Variants in MGAT1 observed in about 807,000 individuals in gnomAD.
MGAT1 encodes the protein N-glycosyl-oligosaccharide-glycoprotein N-acetylglucosaminyltransferase I.
In MGAT1, 14 loss-of-function variants were observed where a neutral mutation model predicts 31.7. That is an observed-to-expected ratio of 0.44 (90% CI 0.29 to 0.69). The LOEUF (loss-of-function observed/expected upper bound fraction) is 0.69. Ranked by LOEUF, MGAT1 falls within the 30% of genes least tolerant of loss-of-function variation. The pLI, the probability that MGAT1 is intolerant of heterozygous loss-of-function variation, is 0.12. For missense variants in MGAT1, 557 were observed against 626.0 expected (o/e 0.89, Z 1.18); for synonymous variants, 338 against 276.0 (o/e 1.22, Z -2.23).
intron 1 of MGAT1, among the ~76,000 whole-genome samples, chr5:180,799,244 A>C (rs1026364408): frequency 1.3e-5 from 2 of 151,818 alleles, no homozygotes; most frequent in Non-Finnish European, 2.9e-5. Context: ...TTTCAACCTT[A>C]CCTCCAACCA....
chr5:180,813,324 GTTTTTA>G (rs772306913), intron 1 of MGAT1, among the ~76,000 whole-genome samples: 13 of 152,100 alleles, frequency 8.5e-5, no homozygotes, highest in Non-Finnish European at 1.5e-4. Context: ...TGTTGAACCT[GTTTTTA>G]TGCATCACTT....
chr5:180,806,146 C>T (rs1415705500), upstream of MGAT1, among the ~76,000 whole-genome samples: 3 of 151,644 alleles, frequency 2.0e-5, no homozygotes, highest in South Asian at 2.1e-4. Context: ...ATTAGCCGGG[C>T]GTGGTGGCGT....
chr5:180,812,077 GT>G (rs1772614091), intron 1 of MGAT1, among the ~76,000 whole-genome samples: 1 of 152,158 alleles, frequency 6.6e-6, no homozygotes, highest in African/African-American at 2.4e-5. Context: ...TACTCGCCGG[GT>G]TTACCATGTA....
At chr5:180,800,972 C>T (rs1357766649) in intron 1 of MGAT1, among the ~76,000 whole-genome samples, 2 of 152,234 alleles carry the variant, frequency 1.3e-5, no homozygotes, top group Non-Finnish European at 2.9e-5. Flanking sequence ...GGTGACACAG[C>T]CAATCCACAC....
chr5:180,803,655 C>G (rs955732777), upstream of MGAT1: 1 of 152,336 alleles, frequency 6.6e-6, no homozygotes, highest in Non-Finnish European at 1.5e-5. Flanking sequence ...ACGCAGAAGA[C>G]CAGGGGCTCC....
chr5:180,812,633 ATTGTAACT>A (rs1253236297), intron 1 of MGAT1, among the ~76,000 whole-genome samples: 1 of 152,206 alleles, frequency 6.6e-6, no homozygotes, highest in Non-Finnish European at 1.5e-5. Context: ...ATATTCCTGA[ATTGTAACT>A]TTATTTTCTA....
intron 1 of MGAT1, among the ~76,000 whole-genome samples, chr5:180,797,047 A>C (rs1403458443): frequency 2.0e-5 from 3 of 152,158 alleles, no homozygotes; most frequent in Non-Finnish European, 4.4e-5. Flanking sequence ...GACTTTATAT[A>C]ACAGGATGGG....
In MGAT1 at chr5:180,791,828, C is replaced by G. The variant is rs1436485381; in HGVS notation, c.1144G>C (p.Gly382Arg). 1 of 1,614,130 alleles carries G rather than the reference C, an allele frequency of 6.2e-7. No individual in the cohort carries two copies. The highest frequency in any genetic ancestry group is 1.3e-5 in the African/African-American group (1 of 74,948). ...KVRTNDRKEL[G>R]EVRVQYTGRD... is the part of the protein sequence containing the mutation. Reference sequence around the variant, plus strand: ...CCCGTATACTGCACCCGCACCTCCCCCAGCTCCTTCCGGTCATTGGTCCTC... The same window carrying G: ...CCCGTATACTGCACCCGCACCTCCCGCAGCTCCTTCCGGTCATTGGTCCTC... Residue 382 changes from glycine to arginine, a missense_variant, in exon 2 of 2, where the codon GGG becomes CGG. Coordinates refer to ENST00000307826, the MANE Select transcript of MGAT1 (RefSeq NM_002406.4).
Position 180,786,596 on chromosome 5 carries a change from G to C in MGAT1, c.*5038C>G, listed in dbSNP as rs896284497. ...GACCCAGCGCTCTGTGAGCTTCCAA[G>C]AGAGGAGGAGGCAGCTGCCATCCAC... On this transcript the variant is annotated 3_prime_UTR_variant, in exon 2 of 2. Transcript: ENST00000307826. 3.3e-5 allele frequency: 5 copies of C among 152,320 alleles called. No homozygotes were observed. The highest frequency in any genetic ancestry group is 1.2e-4 in the African/African-American group (5 of 41,456). 9.4% of individuals were successfully genotyped at this position (152,320 alleles called of 1,614,324 possible). A position where few individuals can be genotyped will look rare whatever the true frequency, so the allele number is the denominator to read the frequency against.
chr5:180,799,991 G>A (rs1431761502), intron 1 of MGAT1, among the ~76,000 whole-genome samples: 1 of 152,172 alleles, frequency 6.6e-6, no homozygotes, highest in Non-Finnish European at 1.5e-5. Context: ...CTAGACACAG[G>A]AGACAGCCCT....
chr5:180,802,882 G>A (rs1771189982), upstream of MGAT1: 1 of 150,242 alleles, frequency 6.7e-6, no homozygotes, highest in Non-Finnish European at 1.5e-5. Flanking sequence ...GGCGGACTGA[G>A]GGGCGTGACC....
intron 1 of MGAT1, among the ~76,000 whole-genome samples, chr5:180,799,491 C>T (rs1770242914): frequency 6.6e-6 from 1 of 152,194 alleles, no homozygotes; most frequent in Non-Finnish European, 1.5e-5. Context: ...TCTCTCCACG[C>T]TGTAACAGAA....
chr5:180,813,405 G>C (rs971914070), intron 1 of MGAT1, among the ~76,000 whole-genome samples: 3 of 152,306 alleles, frequency 2.0e-5, no homozygotes, highest in South Asian at 2.1e-4. Context: ...TCATTTGCAA[G>C]AACTCTTTAT....
In MGAT1 at chr5:180,788,641, G is replaced by A. The variant is rs116328828; in HGVS notation, c.*2993C>T. ...TAGGCTTGCTCTGAGGATCAAGTAA[G>A]TTGGTACTTATCCTGGAGCACTAAG... On this transcript the variant is annotated 3_prime_UTR_variant, in exon 2 of 2. Transcript: ENST00000307826. 448 of 152,300 alleles carry A rather than the reference G, an allele frequency of 2.9e-3. 1 individual carries two copies. The highest frequency in any genetic ancestry group is 9.9e-3 in the African/African-American group (412 of 41,538). 9.4% of individuals were successfully genotyped at this position (152,300 alleles called of 1,614,324 possible).
chr5:180,791,774 C>T lies in MGAT1; in HGVS notation c.1198G>A (p.Ala400Thr), dbSNP rs759664852. ...GRDSFKAFAK[A>T]LGVMDDLKSG... The stretch of plus-strand genomic sequence containing the variant: ...TTAAGGTCATCCATGACACCCAGAG[C>T]CTTGGCGAAAGCCTTGAAGCTGTCC... The change falls in exon 2 of 2, where the codon GCT (alanine) becomes ACT (threonine). Residue 400 changes from alanine to threonine, a missense_variant. Coordinates refer to ENST00000307826, the MANE Select transcript of MGAT1 (RefSeq NM_002406.4). The T allele has an allele frequency of 1.2e-6, 2 of 1,614,246 alleles. No individual in the cohort carries two copies. Among genetic ancestry groups the T allele is most frequent in the Non-Finnish European group, 1.7e-6 (2 of 1,180,044 alleles).
intron 1 of MGAT1, among the ~76,000 whole-genome samples, chr5:180,797,432 G>C (rs866891895): frequency 1.4e-5 from 2 of 145,900 alleles, no homozygotes; most frequent in Non-Finnish European, 3.0e-5. Flanking sequence ...AAAAAAAAGG[G>C]GGGGGGGGCC....
rs1055410307 is a variant in MGAT1, at chr5:180,791,580, T to C, written c.*54A>G. ...GGCCGATGCAGCCTGGGGACTGTGGTCCCACCTCAGCTCATGATGTGGCAA... is the reference window on the plus strand; with the variant it reads ...GGCCGATGCAGCCTGGGGACTGTGGCCCCACCTCAGCTCATGATGTGGCAA... On this transcript the variant is annotated 3_prime_UTR_variant, in exon 2 of 2. Coordinates refer to ENST00000307826, the MANE Select transcript of MGAT1 (RefSeq NM_002406.4). 8 of 1,581,932 alleles carry C rather than the reference T, an allele frequency of 5.1e-6. No individual in the cohort carries two copies. The African/African-American group carries it at 6.8e-5, about 13-fold the overall frequency.
Position 180,793,062 on chromosome 5 carries a change from T to A in MGAT1, c.-91A>T. On this transcript the variant is annotated 5_prime_UTR_variant, in exon 2 of 2. Transcript: ENST00000307826. ...CCTTGCCCGCAGTCCTAGGGATGCC[T>A]CCTCTGGACTATGGGATTAGGAGGC... The A allele has an allele frequency of 6.8e-7, 1 of 1,463,752 alleles. No homozygotes were observed. The highest frequency in any genetic ancestry group is 9.3e-7 in the Non-Finnish European group (1 of 1,079,992). The allele number at this position is 1,463,752 out of a possible 1,614,324, so 90.7% of individuals were successfully genotyped here.
chr5:180,797,446 A>G (rs1388433671), intron 1 of MGAT1, among the ~76,000 whole-genome samples: 5 of 140,938 alleles, frequency 3.5e-5, no homozygotes, highest in South Asian at 2.4e-4. Context: ...GGGGGCCCAG[A>G]GGGATAGCCC....
Sources: allele counts gnomAD v4.1 joint callset (sites outside exome capture counted in the v4.1 genomes callset), GRCh38; gene constraint gnomAD v4.1.1; transcripts MANE v1.5; gene names NCBI Gene and HGNC (gene_info 2026-07-23, HGNC 2026-07-21).